The following KLHL24 variants were observed in gnomAD, a reference collection of about 807,000 sequenced individuals.
The protein encoded by KLHL24 is kelch-like protein 24.
In KLHL24, 29 loss-of-function variants were observed where a neutral mutation model predicts 53.4. That is an observed-to-expected ratio of 0.54 (90% CI 0.40 to 0.74). The LOEUF is 0.74. Among genes scored for constraint, KLHL24 ranks in the 30% least tolerant of loss-of-function variants. KLHL24 has a pLI of 0.00. For synonymous variants in KLHL24, 222 were observed against 253.7 expected (o/e 0.88, Z 1.19); for missense variants, 504 against 744.0 (o/e 0.68, Z 3.75).
At chr3:183,640,911 T>C (rs1440342254) in intron 1 of KLHL24, among the ~76,000 whole-genome samples, 2 of 152,032 alleles carry the variant, frequency 1.3e-5, no homozygotes, top group East Asian at 3.9e-4. Flanking sequence ...GTTTCTGTTA[T>C]CTTGTGGTGG....
intron 3 of KLHL24, among the ~76,000 whole-genome samples, chr3:183,653,611 A>G (rs1412457506): frequency 6.6e-6 from 1 of 152,254 alleles, no homozygotes; most frequent in African/African-American, 2.4e-5. Context: ...TGTGTTACAG[A>G]GAGAAAAACA....
chr3:183,665,442 A>T (rs1720393632), intron 5 of KLHL24, among the ~76,000 whole-genome samples: 1 of 152,212 alleles, frequency 6.6e-6, no homozygotes, highest in Non-Finnish European at 1.5e-5. Flanking sequence ...TTTATTTTAA[A>T]TAAATATTAA....
At chr3:183,637,025 C>T (rs75695841) in intron 1 of KLHL24, among the ~76,000 whole-genome samples, 10,342 of 152,212 alleles carry the variant, frequency 0.068, 1,211 homozygotes, top group African/African-American at 0.24. Flanking sequence ...GTCCTGCGAA[C>T]ACGTTGTTGC....
rs778260187 is a variant in KLHL24, at chr3:183,650,909, A to C, written c.553A>C (p.Thr185Pro). The C allele has an allele frequency of 1.9e-6, 3 of 1,614,226 alleles. No individual in the cohort carries two copies. Among genetic ancestry groups the C allele is most frequent in the Non-Finnish European group, 2.5e-6 (3 of 1,180,038 alleles). ...ADTHSLKTLF[T>P]KCKNFALQTF... is the part of the protein sequence containing the mutation. ...TACCCATTCACTCAAAACACTCTTC[A>C]CAAAATGCAAAAATTTTGCGTTACA... is the stretch of plus-strand genomic sequence containing the variant. Residue 185 changes from threonine to proline, a missense_variant, in exon 3 of 8, where the codon ACA becomes CCA. Transcript: ENST00000242810. This position sits in a 1 kb window ranked among gnomAD's most constrained non-coding sequence, Gnocchi z 4.5.
intron 7 of KLHL24, among the ~76,000 whole-genome samples, chr3:183,677,393 A>G (rs1320034497): frequency 1.3e-5 from 2 of 152,164 alleles, no homozygotes; most frequent in African/African-American, 4.8e-5. Context: ...GGTGCAATTC[A>G]TGGGGGTGTG....
In KLHL24 at chr3:183,650,253, G is replaced by A. The variant is rs1324833798; in HGVS notation, c.-61-43G>A. ...AATGAAATTATGTGATTTGAATACT[G>A]AATTTTTTGCATATTGAAATGTTTT... On this transcript the variant is annotated intron_variant, in intron 2 of 7. Transcript: ENST00000242810. The surrounding 1 kb of genome is among the most constrained non-coding windows in gnomAD (Gnocchi z 4.5). 1.2e-6 allele frequency: 1 copy of A among 802,470 alleles called. No individual in the cohort carries two copies. The highest frequency in any genetic ancestry group is 1.8e-5 in the African/African-American group (1 of 57,092). 49.7% of individuals were successfully genotyped at this position (802,470 alleles called of 1,614,324 possible). A position where few individuals can be genotyped will look rare whatever the true frequency, so the allele number is the denominator to read the frequency against.
chr3:183,641,017 A>G (rs185946093), intron 1 of KLHL24, among the ~76,000 whole-genome samples: 28 of 152,328 alleles, frequency 1.8e-4, no homozygotes, highest in Middle Eastern at 3.4e-3. Flanking sequence ...AACATGGTCC[A>G]GGAACCACTG....
At chr3:183,656,059 T>TTTTTTTTTTTTTTTTTTTTC (rs1178459038) in intron 3 of KLHL24, among the ~76,000 whole-genome samples, 1 of 135,684 alleles carries the variant, frequency 7.4e-6, no homozygotes, top group Non-Finnish European at 1.6e-5. Context: ...TTTTTTTTTT[T>TTTTTTTTTTTTTTTTTTTTC]TTTCTGAGAC....
chr3:183,679,949 C>T lies in KLHL24; in HGVS notation c.*663C>T, dbSNP rs1712509372. 1 of 151,930 alleles carries T rather than the reference C, an allele frequency of 6.6e-6. No homozygotes were observed. Among genetic ancestry groups the T allele is most frequent in the Non-Finnish European group, 1.5e-5 (1 of 68,004 alleles). 9.4% of individuals were successfully genotyped at this position (151,930 alleles called of 1,614,324 possible). A position where few individuals can be genotyped will look rare whatever the true frequency, so the allele number is the denominator to read the frequency against. The stretch of plus-strand genomic sequence containing the variant: ...GGTAGGAGATAGAAAAATAAGTGCC[C>T]CTACAAGGGGGATTAAAATTACAAG... On this transcript the variant is annotated 3_prime_UTR_variant, in exon 8 of 8. Coordinates refer to ENST00000242810, the MANE Select transcript of KLHL24 (RefSeq NM_017644.3).
chr3:183,669,352 C>CA (rs921273048), intron 5 of KLHL24, among the ~76,000 whole-genome samples: 51 of 147,102 alleles, frequency 3.5e-4, no homozygotes, highest in African/African-American at 1.0e-3. Flanking sequence ...AACTCCGCCT[C>CA]AAAAAAAAAA....
chr3:183,669,017 CA>C (rs1368671071), intron 5 of KLHL24, among the ~76,000 whole-genome samples: 2 of 152,098 alleles, frequency 1.3e-5, no homozygotes, highest in Non-Finnish European at 2.9e-5. Context: ...CCCAAGATTA[CA>C]CAAAAAATGA....
At position 183,672,335 on chromosome 3, in the gene KLHL24, C is replaced by T. The variant is rs1721438849; in HGVS notation, c.1453C>T (p.Arg485Cys). The T allele has an allele frequency of 2.5e-6, 4 of 1,607,018 alleles. No individual in the cohort carries two copies. Among genetic ancestry groups the T allele is most frequent in the Non-Finnish European group, 2.6e-6 (3 of 1,176,090 alleles). ...TCCAGAAACCAATTCTTGGCTACTT[C>T]GTGCAGCTATCCCAATTGCCAAAAG... ...YDPETNSWLL[R>C]AAIPIAKRCI... is the part of the protein sequence containing the mutation. Residue 485 changes from arginine (R) to cysteine (C), a missense_variant, in exon 7 of 8, where the codon CGT becomes TGT. Physicochemically the swap from Arg to Cys is radical, Grantham distance 180 (BLOSUM62 -3). Coordinates refer to ENST00000242810, the MANE Select transcript of KLHL24 (RefSeq NM_017644.3).
chr3:183,661,084 A>ATGT (rs10662447), intron 3 of KLHL24, among the ~76,000 whole-genome samples: 1 of 69,264 alleles, frequency 1.4e-5, no homozygotes, highest in Non-Finnish European at 2.7e-5. Context: ...AAAAAAAAAA[A>ATGT]AAATTCACTA....
chr3:183,655,017 T>G (rs1424220642), intron 3 of KLHL24, among the ~76,000 whole-genome samples: 1 of 152,216 alleles, frequency 6.6e-6, no homozygotes, highest in Non-Finnish European at 1.5e-5. Context: ...GTGGTGGCAG[T>G]CTGATCCCTC....
chr3:183,665,899 T>TTTTTTTG (rs1720485017), intron 5 of KLHL24, among the ~76,000 whole-genome samples: 2 of 151,806 alleles, frequency 1.3e-5, no homozygotes, highest in Non-Finnish European at 1.5e-5. Flanking sequence ...TTTTTTTTTT[T>TTTTTTTG]GAGACAAGGT....
In KLHL24 at chr3:183,651,250, G is replaced by A. The variant is rs1436049407; in HGVS notation, c.894G>A (p.Met298Ile). ...GGTACCACATACTTGGGAATGAAATGATGTCCCCAAGGACTAGGCCACGCA... is the reference window on the plus strand; with the variant it reads ...GGTACCACATACTTGGGAATGAAATAATGTCCCCAAGGACTAGGCCACGCA... ...ARRYHILGNE[M>I]MSPRTRPRRS... Residue 298 changes from methionine to isoleucine, a missense_variant, in exon 3 of 8, where the codon ATG becomes ATA. Physicochemically the swap from Met to Ile is conservative, Grantham distance 10. Coordinates refer to ENST00000242810, the MANE Select transcript of KLHL24 (RefSeq NM_017644.3). The A allele has an allele frequency of 6.2e-7, 1 of 1,614,046 alleles. No homozygotes were observed. The highest frequency in any genetic ancestry group is 2.2e-5 in the East Asian group (1 of 44,886).
Position 183,684,470 on chromosome 3 carries a change from A to G in KLHL24, c.*5184A>G, listed in dbSNP as rs1712997456. On this transcript the variant is annotated 3_prime_UTR_variant, in exon 8 of 8. Transcript: ENST00000242810. ...AGTTGTATCTAATAAAATGTCTTTTAACCATTATTACTTGACTATATGGTT... is the reference window on the plus strand; with the variant it reads ...AGTTGTATCTAATAAAATGTCTTTTGACCATTATTACTTGACTATATGGTT... 6.6e-6 allele frequency: 1 copy of G among 152,612 alleles called. No individual in the cohort carries two copies. Among genetic ancestry groups the G allele is most frequent in the Non-Finnish European group, 1.5e-5 (1 of 68,018 alleles). The allele number at this position is 152,612 out of a possible 1,614,324, so 9.5% of individuals were successfully genotyped here.
intron 3 of KLHL24, among the ~76,000 whole-genome samples, chr3:183,651,752 G>C (rs921484452): frequency 6.6e-6 from 1 of 152,086 alleles, no homozygotes. Context: ...TCAGGAGTTC[G>C]AGACCAGCCT....
intron 3 of KLHL24, among the ~76,000 whole-genome samples, chr3:183,656,653 C>G (rs1479283342): frequency 2.6e-5 from 4 of 152,054 alleles, no homozygotes; most frequent in South Asian, 2.1e-4. Flanking sequence ...AAGTAACTTA[C>G]CTTTCTGCTT....
Sources: allele counts gnomAD v4.1 joint callset (sites outside exome capture counted in the v4.1 genomes callset), GRCh38; gene constraint gnomAD v4.1.1; non-coding constraint Gnocchi (gnomAD v3.1); transcripts MANE v1.5; gene names NCBI Gene and HGNC (gene_info 2026-07-23, HGNC 2026-07-21).